The following DNAJB4 variants were observed in gnomAD, a reference collection of about 807,000 sequenced individuals.
The protein encoded by DNAJB4 is dnaJ homolog subfamily B member 4.
Under a neutral mutation model 26.6 loss-of-function variants are expected in DNAJB4, and 10 were observed. The observed-to-expected ratio is 0.38, with a 90% CI of 0.23 to 0.64. The LOEUF is 0.64. Among genes scored for constraint, DNAJB4 ranks in the 30% least tolerant of loss-of-function variants. The pLI, the probability that DNAJB4 is intolerant of heterozygous loss-of-function variation, is 0.58. For missense variants in DNAJB4, 328 were observed against 408.2 expected, an observed-to-expected ratio of 0.80 and a Z score of 1.69; for synonymous variants, 136 against 134.8, an observed-to-expected ratio of 1.01 and a Z score of -0.06.
chr1:77,989,221 G>T (rs74092342), intron 1 of DNAJB4, among the ~76,000 whole-genome samples: 2 of 151,912 alleles, frequency 1.3e-5, no homozygotes, highest in African/African-American at 2.4e-5. Flanking sequence ...TTTTATTCAC[G>T]TCTCATCTAC....
In DNAJB4 at chr1:78,016,208, A is replaced by C. The variant is rs1300028547; in HGVS notation, c.975A>C (p.Ser325=). Residue 325 remains serine (S), a synonymous_variant, in exon 3 of 3, where the codon TCA becomes TCC. Transcript: ENST00000370763. ...EVSFPDTISS[S]SKEVLRKHLP... ...CCTTCCCAGATACTATATCTTCTTC[A>C]TCCAAAGAAGTACTTAGGAAACATC... 1 of 1,614,124 alleles carries C rather than the reference A, an allele frequency of 6.2e-7. No homozygotes were observed. The highest frequency in any genetic ancestry group is 1.7e-5 in the Admixed American group (1 of 60,022).
intron 1 of DNAJB4, among the ~76,000 whole-genome samples, chr1:77,995,417 G>T (rs1437068610): frequency 6.6e-6 from 1 of 152,124 alleles, no homozygotes; most frequent in African/African-American, 2.4e-5. Flanking sequence ...AAATGATGTA[G>T]AAACTCTAGC....
intron 1 of DNAJB4, among the ~76,000 whole-genome samples, chr1:77,991,484 C>T (rs1158363934): frequency 6.6e-6 from 1 of 152,156 alleles, no homozygotes; most frequent in Non-Finnish European, 1.5e-5. Context: ...CAGAGGCTCA[C>T]ATCTGTAATC....
chr1:78,007,268 A>G (rs950566701), intron 1 of DNAJB4, among the ~76,000 whole-genome samples: 1 of 152,104 alleles, frequency 6.6e-6, no homozygotes, highest in Non-Finnish European at 1.5e-5. Flanking sequence ...ACCATTCTCT[A>G]GTTATAGGTT....
At chr1:78,011,305 T>G in intron 1 of DNAJB4, among the ~76,000 whole-genome samples, 1 of 152,202 alleles carries the variant, frequency 6.6e-6, no homozygotes, top group East Asian at 1.9e-4. Flanking sequence ...TGTCAAAGTT[T>G]ACAGCTCTTG....
At position 78,013,149 on chromosome 1, in the gene DNAJB4, G is replaced by C; in HGVS notation, c.310G>C (p.Gly104Arg). ...PHATFAAFFG[G>R]SNPFEIFFGR... is the part of the protein sequence containing the mutation. Reference sequence around the variant, plus strand: ...TGCTACATTTGCTGCATTTTTCGGAGGGTCCAACCCCTTTGAAATTTTCTT... The same window carrying C: ...TGCTACATTTGCTGCATTTTTCGGACGGTCCAACCCCTTTGAAATTTTCTT... Residue 104 changes from glycine to arginine, a missense_variant, in exon 2 of 3, where the codon GGG becomes CGG. Transcript: ENST00000370763. 1.9e-6 allele frequency: 3 copies of C among 1,614,094 alleles called. No homozygotes were observed. The highest frequency in any genetic ancestry group is 2.5e-6 in the Non-Finnish European group (3 of 1,180,002).
chr1:78,009,835 A>C (rs1211222256), intron 1 of DNAJB4, among the ~76,000 whole-genome samples: 1 of 152,200 alleles, frequency 6.6e-6, no homozygotes, highest in African/African-American at 2.4e-5. Context: ...CATGTTGGTC[A>C]GGCTGATCTC....
intron 1 of DNAJB4, among the ~76,000 whole-genome samples, chr1:78,006,562 T>C (rs1660334561): frequency 6.6e-6 from 1 of 152,210 alleles, no homozygotes; most frequent in Non-Finnish European, 1.5e-5. Flanking sequence ...AGGGTGATTG[T>C]ATATAGAGGG....
chr1:77,981,965 G>A (rs1226519807), intron 1 of DNAJB4, among the ~76,000 whole-genome samples: 1 of 152,138 alleles, frequency 6.6e-6, no homozygotes. Context: ...AGAAAAATTT[G>A]GAGCTCTCCA....
intron 1 of DNAJB4, among the ~76,000 whole-genome samples, chr1:78,011,736 G>A (rs1159920720): frequency 6.6e-6 from 1 of 151,574 alleles, no homozygotes; most frequent in South Asian, 2.1e-4. Flanking sequence ...CACCCGACTC[G>A]GCCTCCCAAA....
chr1:77,980,615 G>A (rs1659574628), intron 1 of DNAJB4, among the ~76,000 whole-genome samples: 1 of 151,946 alleles, frequency 6.6e-6, no homozygotes. Flanking sequence ...CGACTTTGTG[G>A]CATTTTGTCT....
chr1:77,994,924 G>GGT (rs1401333359), intron 1 of DNAJB4, among the ~76,000 whole-genome samples: 1 of 152,042 alleles, frequency 6.6e-6, no homozygotes, highest in African/African-American at 2.4e-5. Context: ...GCATGTGAGA[G>GGT]GTATGTATGT....
chr1:77,979,247 G>A (rs1659378749), upstream of DNAJB4: 1 of 480,890 alleles, frequency 2.1e-6, no homozygotes, highest in Non-Finnish European at 3.7e-6. Flanking sequence ...TTAAGACTTC[G>A]CGAGAACAGA....
chr1:77,983,391 T>C (rs1053568816), intron 1 of DNAJB4, among the ~76,000 whole-genome samples: 7 of 152,210 alleles, frequency 4.6e-5, no homozygotes, highest in Middle Eastern at 3.2e-3. Flanking sequence ...CTTCCTCTTA[T>C]ACTAATCCTC....
intron 1 of DNAJB4, among the ~76,000 whole-genome samples, chr1:78,012,407 T>C (rs12036318): frequency 0.91 from 138,368 of 151,302 alleles, 63,436 homozygotes; most frequent in African/African-American, 0.95. Context: ...CATGATCTGC[T>C]TGCCTCGGCC....
intron 1 of DNAJB4, among the ~76,000 whole-genome samples, chr1:77,981,690 A>G (rs1349141736): frequency 6.6e-6 from 1 of 152,180 alleles, no homozygotes; most frequent in Admixed American, 6.5e-5. Flanking sequence ...ATATAAATAA[A>G]CTGCTTTTTA....
rs1324763074 is a variant in DNAJB4 at position 78,012,154 on chromosome 1, C to CTTTTTTTTTTTTTTTTTTTT, written c.212-893_212-892insTTTTTTTTTTTTTTTTTTTT. On this transcript the variant is annotated intron_variant, in intron 1 of 2. Transcript: ENST00000370763. ...CCCAGTTTTATTTTCTTTTTCTTTT[C>CTTTTTTTTTTTTTTTTTTTT]TTTTCTTTTTTTTTTTTTTTTTTTT... is the stretch of plus-strand genomic sequence containing the variant. Among the ~76,000 whole-genome samples, 36 of 69,344 alleles carry CTTTTTTTTTTTTTTTTTTTT rather than the reference C, an allele frequency of 5.2e-4. 7 individuals are homozygous for CTTTTTTTTTTTTTTTTTTTT. Among genetic ancestry groups the CTTTTTTTTTTTTTTTTTTTT allele is most frequent in the South Asian group, 1.1e-3 (2 of 1,740 alleles). The allele number at this position is 69,344 out of a possible 152,430, so 45.5% of individuals were successfully genotyped here.
At chr1:78,012,896 T>G (rs113293667) in intron 1 of DNAJB4, among the ~76,000 whole-genome samples, 155 bp from the exon 2 acceptor site, 3,707 of 152,306 alleles carry the variant, frequency 0.024, 49 homozygotes, top group Middle Eastern at 0.065. Flanking sequence ...ATCAAGAGTT[T>G]TATAGCTGTT....
intron 1 of DNAJB4, among the ~76,000 whole-genome samples, chr1:77,998,729 T>C (rs1272772235): frequency 6.6e-6 from 1 of 151,912 alleles, no homozygotes; most frequent in Non-Finnish European, 1.5e-5. Context: ...TCCTAGCTAC[T>C]CTGGGGGCTG....
Sources: gnomAD v4.1 joint callset for allele counts (sites outside exome capture counted in the v4.1 genomes callset) on GRCh38, gnomAD v4.1.1 for gene constraint, MANE v1.5 for transcripts, NCBI Gene and HGNC (gene_info 2026-07-23, HGNC 2026-07-21) for gene names.